Variants in CCNB2 observed in about 807,000 individuals in gnomAD.
The protein encoded by CCNB2 is G2/mitotic-specific cyclin-B2.
CCNB2 carries 39 observed loss-of-function variants against 51.1 expected under a neutral mutation model. The ratio of observed to expected loss-of-function variants is 0.76; its 90% CI spans 0.59 to 1.00. The LOEUF (loss-of-function observed/expected upper bound fraction) is 1.00, where lower values mean the gene tolerates loss of function less well. Ranked by LOEUF, CCNB2 falls within the 50% of genes least tolerant of loss-of-function variation. CCNB2 has a pLI of 0.00. For synonymous variants in CCNB2, 174 were observed against 165.5 expected, an observed-to-expected ratio of 1.05 and a Z score of -0.40; for missense variants, 472 against 470.3, an observed-to-expected ratio of 1.00 and a Z score of -0.03.
At chr15:59,112,377 C>A (rs1273938401) in intron 3 of CCNB2, among the ~76,000 whole-genome samples, 2 of 151,438 alleles carry the variant, frequency 1.3e-5, no homozygotes, top group African/African-American at 2.4e-5. Flanking sequence ...CAGAGTCTCG[C>A]TCTGTCACCC....
At position 59,115,016 on chromosome 15, in the gene CCNB2, A is replaced by G. The variant is rs2079273427; in HGVS notation, c.597+140A>G. 6.7e-6 allele frequency: 6 copies of G among 889,382 alleles called. 1 individual carries two copies. The highest frequency in any genetic ancestry group is 1.0e-5 in the Non-Finnish European group (6 of 578,016). 55.1% of individuals were successfully genotyped at this position (889,382 alleles called of 1,614,324 possible). ...GAGAAGCCAAAGAACTTTGGGGACT[A>G]AAAAGGGAAGTAATCCAAGTGTGTC... is the stretch of plus-strand genomic sequence containing the variant. On this transcript the variant is annotated intron_variant, in intron 5 of 8. Coordinates refer to ENST00000288207, the MANE Select transcript of CCNB2 (RefSeq NM_004701.4).
At chr15:59,111,856 C>CTTTTTTT (rs11327656) in intron 3 of CCNB2, among the ~76,000 whole-genome samples, 3 of 133,982 alleles carry the variant, frequency 2.2e-5, no homozygotes, top group Non-Finnish European at 4.8e-5. Context: ...TTCTTTCTTT[C>CTTTTTTT]TTTTTTTTTT....
In CCNB2 at chr15:59,116,735, G is replaced by T. The variant is rs150170652; in HGVS notation, c.643G>T (p.Ala215Ser). The change falls in exon 6 of 9, where the codon GCT becomes TCT. Residue 215 changes from alanine to serine, a missense_variant. Physicochemically the swap from Ala to Ser is moderately conservative, Grantham distance 99. Coordinates refer to ENST00000288207, the MANE Select transcript of CCNB2 (RefSeq NM_004701.4). ...RKKLQLVGIT[A>S]LLLASKYEEM... ...GAAGCTTCAATTAGTTGGGATTACT[G>T]CTCTGCTCTTGGCTTCCAAGTATGA... 6.8e-6 allele frequency: 11 copies of T among 1,612,720 alleles called. No individual in the cohort carries two copies. In the African/African-American group the frequency reaches 9.4e-5, roughly 14 times the overall value.
chr15:59,111,856 C>CTT (rs11327656), intron 3 of CCNB2, among the ~76,000 whole-genome samples: 61 of 133,970 alleles, frequency 4.6e-4, no homozygotes, highest in African/African-American at 1.2e-3. Flanking sequence ...TTCTTTCTTT[C>CTT]TTTTTTTTTT....
At chr15:59,118,870 A>G (rs561532237) in intron 7 of CCNB2, among the ~76,000 whole-genome samples, 101 of 152,308 alleles carry the variant, frequency 6.6e-4, no homozygotes, top group Non-Finnish European at 1.3e-3. Flanking sequence ...TGTGGCCTAT[A>G]TGGATATAGG....
intron 7 of CCNB2, among the ~76,000 whole-genome samples, chr15:59,118,545 A>G (rs994971043): frequency 6.6e-6 from 1 of 152,216 alleles, no homozygotes; most frequent in Admixed American, 6.5e-5. Context: ...TTAGCCAGGC[A>G]TGGTGGCAGC....
At chr15:59,116,428 T>A (rs1427422767) in intron 5 of CCNB2, among the ~76,000 whole-genome samples, 6 of 147,334 alleles carry the variant, frequency 4.1e-5, no homozygotes, top group Non-Finnish European at 7.5e-5. Flanking sequence ...CTATTTGTAA[T>A]TGAGGAATAA....
At chr15:59,115,186 A>G (rs1256045943) in intron 5 of CCNB2, among the ~76,000 whole-genome samples, 1 of 152,164 alleles carries the variant, frequency 6.6e-6, no homozygotes, top group Non-Finnish European at 1.5e-5. Context: ...TGAAGCCTGT[A>G]GTGCCTTTGG....
At chr15:59,116,130 G>C (rs2079277852) in intron 5 of CCNB2, 1 of 152,280 alleles carries the variant, frequency 6.6e-6, no homozygotes, top group Admixed American at 6.5e-5. Flanking sequence ...CCTAGCCTGA[G>C]AGTCTGCCTG....
At chr15:59,111,227 TCTCA>T (rs2079256069) in intron 3 of CCNB2, among the ~76,000 whole-genome samples, 1 of 152,162 alleles carries the variant, frequency 6.6e-6, no homozygotes. Flanking sequence ...ATGGAGAAGA[TCTCA>T]CTATGTTGCC....
At chr15:59,114,053 A>C (rs1398002058) in intron 3 of CCNB2, among the ~76,000 whole-genome samples, 1 of 152,202 alleles carries the variant, frequency 6.6e-6, no homozygotes, top group Non-Finnish European at 1.5e-5. Context: ...TGTAACATTT[A>C]AGTAAAACTT....
At chr15:59,105,908 CAG>C (rs2079234028) in intron 1 of CCNB2, among the ~76,000 whole-genome samples, 1 of 152,184 alleles carries the variant, frequency 6.6e-6, no homozygotes, top group Non-Finnish European at 1.5e-5. Flanking sequence ...TCAAATGTAA[CAG>C]AGGTTTTTGA....
chr15:59,117,124 G>A, intron 6 of CCNB2, 104 bp from the exon 7 acceptor site: 1 of 1,204,180 alleles, frequency 8.3e-7, no homozygotes, highest in Non-Finnish European at 1.2e-6. Flanking sequence ...TCTTGAGAAG[G>A]ATAAGTGAGT....
intron 3 of CCNB2, among the ~76,000 whole-genome samples, chr15:59,108,459 C>T (rs968121648): frequency 6.6e-6 from 1 of 152,178 alleles, no homozygotes; most frequent in Non-Finnish European, 1.5e-5. Context: ...TAGCCCAGAT[C>T]TTCCCTAAGC....
At position 59,124,808 on chromosome 15, in the gene CCNB2, C is replaced by G. The variant is rs750459393; in HGVS notation, c.1128C>G (p.Ile376Met). 6.2e-7 allele frequency: 1 copy of G among 1,613,214 alleles called. No homozygotes were observed. Among genetic ancestry groups the G allele is most frequent in the East Asian group, 2.2e-5 (1 of 44,836 alleles). ...NKYASSKLLK[I>M]SMIPQLNSKA... ...ATGCAAGCAGCAAACTCCTGAAGAT[C>G]AGCATGATCCCTCAGCTGAACTCAA... The change falls in exon 9 of 9, where the codon ATC becomes ATG. Residue 376 changes from isoleucine (I) to methionine (M), a missense_variant. By Grantham distance (10) the Ile-to-Met change is conservative. Coordinates refer to ENST00000288207, the MANE Select transcript of CCNB2 (RefSeq NM_004701.4).
chr15:59,105,851 G>A (rs1481075195), intron 1 of CCNB2, among the ~76,000 whole-genome samples: 3 of 152,118 alleles, frequency 2.0e-5, no homozygotes, highest in African/African-American at 7.2e-5. Flanking sequence ...TCCATGCTAC[G>A]TTCACTAATA....
intron 6 of CCNB2, 72 bp from the exon 7 acceptor site, chr15:59,117,156 G>A (rs1238695150): frequency 2.0e-5 from 30 of 1,474,030 alleles, no homozygotes; most frequent in Non-Finnish European, 2.8e-5. Flanking sequence ...GAGTTCCTAG[G>A]CCTTCACGCA....
chr15:59,107,714 GT>G, intron 3 of CCNB2, 44 bp downstream of exon 3: 1 of 1,478,978 alleles, frequency 6.8e-7, no homozygotes, highest in Non-Finnish European at 9.4e-7. Flanking sequence ...GAGGTAGCCT[GT>G]TTTTAGCCAG....
intron 5 of CCNB2, among the ~76,000 whole-genome samples, 181 bp from the exon 6 acceptor site, chr15:59,116,509 G>T (rs1596331719): frequency 1.1e-5 from 1 of 91,554 alleles, no homozygotes; most frequent in East Asian, 4.7e-4. Flanking sequence ...ACTGTGCCTA[G>T]CACACAGTGC....
Sources: gnomAD v4.1 joint callset for allele counts (sites outside exome capture counted in the v4.1 genomes callset) on GRCh38, gnomAD v4.1.1 for gene constraint, MANE v1.5 for transcripts, NCBI Gene and HGNC (gene_info 2026-07-23, HGNC 2026-07-21) for gene names.